Variants in PDE8A observed in about 807,000 individuals in gnomAD.
PDE8A encodes phosphodiesterase 8A.
In PDE8A, 59 loss-of-function variants were observed where a neutral mutation model predicts 105.0. The ratio of observed to expected loss-of-function variants is 0.56; its 90% CI spans 0.46 to 0.70. The LOEUF is 0.70. Ranked by LOEUF, PDE8A falls within the 30% of genes least tolerant of loss-of-function variation. The pLI, the probability that PDE8A is intolerant of heterozygous loss-of-function variation, is 0.00. For missense variants in PDE8A, 1,014 were observed against 1,045.9 expected, an observed-to-expected ratio of 0.97 and a Z score of 0.42; for synonymous variants, 355 against 371.9, an observed-to-expected ratio of 0.95 and a Z score of 0.52.
chr15:85,020,194 T>G (rs2080401415), intron 1 of PDE8A, among the ~76,000 whole-genome samples: 1 of 152,158 alleles, frequency 6.6e-6, no homozygotes, highest in South Asian at 2.1e-4. Context: ...TCTGTCTGTG[T>G]TTATTTTTTA....
At chr15:85,095,865 T>C (rs1023861037) in intron 8 of PDE8A, among the ~76,000 whole-genome samples, 8 of 120,656 alleles carry the variant, frequency 6.6e-5, no homozygotes, top group Non-Finnish European at 1.1e-4. Flanking sequence ...CCTGAATATA[T>C]ATATATATAT....
chr15:84,982,448 C>A, intron 1 of PDE8A, 100 bp downstream of exon 1: 1 of 667,624 alleles, frequency 1.5e-6, no homozygotes, highest in East Asian at 3.5e-5. Context: ...CACCCGGCCT[C>A]GGTGCCCTCT....
At chr15:85,071,652 G>A (rs2081312731) in intron 3 of PDE8A, among the ~76,000 whole-genome samples, 1 of 152,202 alleles carries the variant, frequency 6.6e-6, no homozygotes, top group African/African-American at 2.4e-5. Flanking sequence ...TGTGCTTGTT[G>A]ATGTGATCTA....
intron 1 of PDE8A, among the ~76,000 whole-genome samples, chr15:85,054,010 G>T (rs139614993): frequency 2.1e-5 from 2 of 94,062 alleles, no homozygotes; most frequent in Admixed American, 2.2e-4. Flanking sequence ...CTAGTTTATC[G>T]AGAGTTTTTA....
intron 1 of PDE8A, among the ~76,000 whole-genome samples, chr15:84,985,554 C>T (rs1251424621): frequency 6.6e-6 from 1 of 152,142 alleles, no homozygotes; most frequent in East Asian, 1.9e-4. Flanking sequence ...GTGTTAGAGA[C>T]CCTATGCTCA....
intron 1 of PDE8A, among the ~76,000 whole-genome samples, chr15:85,052,432 CCCA>C (rs2080990722): frequency 6.6e-6 from 1 of 152,194 alleles, no homozygotes; most frequent in Non-Finnish European, 1.5e-5. Flanking sequence ...AGTTTACAGT[CCCA>C]CCAACAGTGT....
intron 1 of PDE8A, among the ~76,000 whole-genome samples, chr15:85,003,261 C>T (rs1307711268): frequency 6.6e-6 from 1 of 152,164 alleles, no homozygotes; most frequent in Non-Finnish European, 1.5e-5. Flanking sequence ...TCTTTGTTTC[C>T]TTGGGCTACT....
In PDE8A at chr15:84,982,306, C is replaced by G. The variant is rs2079726795; in HGVS notation, c.144C>G (p.Ala48=). ...KTAALPRTRG[A]GLLESELRDG... is the part of the protein sequence containing the mutation. ...CCGCCTTGCCCCGGACCCGCGGCGC[C>G]GGCCTCTTGGAGTCGGAGCTTCGCG... is the stretch of plus-strand genomic sequence containing the variant. Residue 48 remains alanine (A), a synonymous_variant, in exon 1 of 22, where the codon GCC becomes GCG. Coordinates refer to ENST00000394553, the MANE Select transcript of PDE8A (RefSeq NM_002605.3). 7.3e-7 allele frequency: 1 copy of G among 1,366,998 alleles called. No homozygotes were observed. Among genetic ancestry groups the G allele is most frequent in the Non-Finnish European group, 9.4e-7 (1 of 1,069,116 alleles). 84.7% of individuals were successfully genotyped at this position (1,366,998 alleles called of 1,614,324 possible). A position where few individuals can be genotyped will look rare whatever the true frequency, so the allele number is the denominator to read the frequency against.
chr15:84,986,183 C>T (rs886270374), intron 1 of PDE8A, among the ~76,000 whole-genome samples: 1 of 152,076 alleles, frequency 6.6e-6, no homozygotes, highest in African/African-American at 2.4e-5. Flanking sequence ...GCCGAGAGTG[C>T]GTCCCTGCAC....
At chr15:85,136,331 C>A (rs901969571) in intron 20 of PDE8A, among the ~76,000 whole-genome samples, 1 of 152,194 alleles carries the variant, frequency 6.6e-6, no homozygotes, top group African/African-American at 2.4e-5. Context: ...TGTCCTCAGA[C>A]CCCACTGACA....
chr15:85,095,506 G>C (rs1223044154), intron 8 of PDE8A, among the ~76,000 whole-genome samples: 1 of 151,918 alleles, frequency 6.6e-6, no homozygotes, highest in African/African-American at 2.4e-5. Flanking sequence ...AGCACGCCTG[G>C]CTAATTTTTG....
At chr15:85,015,721 A>G (rs1391660083) in intron 1 of PDE8A, among the ~76,000 whole-genome samples, 2 of 151,920 alleles carry the variant, frequency 1.3e-5, no homozygotes, top group Non-Finnish European at 1.5e-5. Flanking sequence ...TTTTTTGTTA[A>G]CTATCTGTCC....
At chr15:85,117,477 C>T (rs559132586) in intron 16 of PDE8A, among the ~76,000 whole-genome samples, 164 bp from the exon 17 acceptor site, 1 of 152,234 alleles carries the variant, frequency 6.6e-6, no homozygotes, top group South Asian at 2.1e-4. Context: ...AGAAGTGGAA[C>T]CAGAGTTGGT....
intron 20 of PDE8A, among the ~76,000 whole-genome samples, chr15:85,134,349 C>A (rs2082372536): frequency 6.6e-6 from 1 of 152,184 alleles, no homozygotes; most frequent in Non-Finnish European, 1.5e-5. Context: ...GGAGAGCGCC[C>A]CGCCCAGGGC....
intron 12 of PDE8A, among the ~76,000 whole-genome samples, chr15:85,112,054 A>G (rs55978451): frequency 0.1 from 13,679 of 131,482 alleles, 1,696 homozygotes; most frequent in African/African-American, 0.29. Context: ...AAACTTACTC[A>G]CTGTAAAAGA....
At chr15:85,096,702 G>T (rs2081760133) in intron 8 of PDE8A, among the ~76,000 whole-genome samples, 1 of 152,082 alleles carries the variant, frequency 6.6e-6, no homozygotes, top group Admixed American at 6.5e-5. Context: ...CGTCCTGTGG[G>T]CTGAGCTCCC....
At chr15:85,078,852 G>C (rs984450861) in intron 5 of PDE8A, among the ~76,000 whole-genome samples, 2 of 152,136 alleles carry the variant, frequency 1.3e-5, no homozygotes, top group Admixed American at 1.3e-4. Flanking sequence ...TTGATGAGAG[G>C]ATACAGGGAG....
At position 85,022,034 on chromosome 15, in the gene PDE8A, A is replaced by C. The variant is rs544252486; in HGVS notation, c.186+39686A>C. ...TCTTATGGGGAAGTATTTTAAGACT[A>C]TATACAAATTCTCTTAATCATTAAG... On this transcript the variant is annotated intron_variant, in intron 1 of 21. Transcript: ENST00000394553. Among the ~76,000 whole-genome samples, 2 of 152,340 alleles carry C rather than the reference A, an allele frequency of 1.3e-5. 1 individual carries two copies. Among genetic ancestry groups the C allele is most frequent in the East Asian group, 3.9e-4 (2 of 5,190 alleles).
chr15:84,990,188 A>G (rs2079864637), intron 1 of PDE8A, among the ~76,000 whole-genome samples: 1 of 152,208 alleles, frequency 6.6e-6, no homozygotes. Flanking sequence ...TCATCTCAAA[A>G]AAAAATTAAT....
Sources: allele counts gnomAD v4.1 joint callset (sites outside exome capture counted in the v4.1 genomes callset), GRCh38; gene constraint gnomAD v4.1.1; transcripts MANE v1.5; gene names NCBI Gene and HGNC (gene_info 2026-07-23, HGNC 2026-07-21).